Variants in ZNF654 observed in about 807,000 individuals in gnomAD.
The protein encoded by ZNF654 is melanoma-associated antigen.
A neutral mutation model predicts 95.3 loss-of-function variants in ZNF654; 19 were observed. The observed-to-expected ratio is 0.20, with a 90% CI of 0.14 to 0.29. ZNF654 has a LOEUF of 0.29. Ranked by LOEUF, ZNF654 falls within the 10% of genes least tolerant of loss-of-function variation. The pLI is 1.00. For missense variants in ZNF654, 1,046 were observed against 1,341.0 expected (o/e 0.78, Z 3.44); for synonymous variants, 413 against 457.9 (o/e 0.90, Z 1.25).
At chr3:88,122,208 A>C (rs1705810768) in intron 3 of ZNF654, among the ~76,000 whole-genome samples, 1 of 152,214 alleles carries the variant, frequency 6.6e-6, no homozygotes, top group African/African-American at 2.4e-5. Flanking sequence ...TAGGAGAATG[A>C]CATGAGAAAT....
intron 2 of ZNF654, among the ~76,000 whole-genome samples, chr3:88,108,543 A>G (rs1405639369): frequency 1.3e-5 from 2 of 152,156 alleles, no homozygotes; most frequent in African/African-American, 2.4e-5. Context: ...TAAAATTGCA[A>G]GCTATTCTGA....
chr3:88,130,283 C>G (rs551672308), intron 6 of ZNF654, among the ~76,000 whole-genome samples: 1 of 152,100 alleles, frequency 6.6e-6, no homozygotes, highest in African/African-American at 2.4e-5. Flanking sequence ...AAAACTCTTA[C>G]CACTTTGCTG....
chr3:88,123,620 T>G (rs568041994), intron 3 of ZNF654, among the ~76,000 whole-genome samples: 1 of 152,282 alleles, frequency 6.6e-6, no homozygotes, highest in African/African-American at 2.4e-5. Flanking sequence ...GCTCTAAGTG[T>G]TTCTTATTTT....
intron 1 of ZNF654, among the ~76,000 whole-genome samples, chr3:88,075,570 T>G (rs1479577366): frequency 6.6e-6 from 1 of 152,222 alleles, no homozygotes; most frequent in Non-Finnish European, 1.5e-5. Context: ...TTTAGACCTT[T>G]TCTTTGCTCT....
At chr3:88,116,585 TATA>T (rs1705417437) in intron 3 of ZNF654, among the ~76,000 whole-genome samples, 1 of 71,596 alleles carries the variant, frequency 1.4e-5, no homozygotes, top group South Asian at 5.4e-4. Flanking sequence ...CACATGCACA[TATA>T]TTATATATAT....
chr3:88,129,820 G>A lies in ZNF654; in HGVS notation c.887G>A (p.Cys296Tyr), dbSNP rs747962285. ...IPQLQNGDMY[C>Y]IWELIFIWSK... ...CAGCTCCAGAATGGGGATATGTACT[G>A]TATCTGGTAAGTGTTTGTAAATAAA... The change falls in exon 6 of 9, where the codon TGT becomes TAT. Residue 296 changes from cysteine to tyrosine, a missense_variant. By Grantham distance (194) the Cys-to-Tyr change is radical. Coordinates refer to ENST00000636215, the MANE Select transcript of ZNF654 (RefSeq NM_001350134.2). 1.8e-5 allele frequency: 26 copies of A among 1,468,902 alleles called. 1 individual carries two copies. In the South Asian group the frequency reaches 3.4e-4, roughly 19 times the overall value. 91.0% of individuals were successfully genotyped at this position (1,468,902 alleles called of 1,614,324 possible). A position where few individuals can be genotyped will look rare whatever the true frequency, so the allele number is the denominator to read the frequency against.
chr3:88,139,750 C>A lies in ZNF654; in HGVS notation c.2081C>A (p.Thr694Asn). The change falls in exon 8 of 9, where the codon ACT becomes AAT. Residue 694 changes from threonine to asparagine, a missense_variant. Thr to Asn is a moderately conservative substitution (Grantham distance 65). This residue lies in a region of ZNF654 where 495 missense variants were observed against 537.0 expected (regional missense o/e 0.92). Coordinates refer to ENST00000636215, the MANE Select transcript of ZNF654 (RefSeq NM_001350134.2). ...NSLNNVFKPL[T>N]ECGDDYEEEE... Reference sequence around the variant, plus strand: ...TTAAATAATGTTTTCAAGCCTTTAACTGAATGTGGGGATGATTATGAGGAG... The same window carrying A: ...TTAAATAATGTTTTCAAGCCTTTAAATGAATGTGGGGATGATTATGAGGAG... The A allele has an allele frequency of 6.4e-7, 1 of 1,554,738 alleles. No individual in the cohort carries two copies. The highest frequency in any genetic ancestry group is 8.7e-7 in the Non-Finnish European group (1 of 1,148,454).
intron 1 of ZNF654, among the ~76,000 whole-genome samples, chr3:88,072,930 T>G (rs1460541818): frequency 1.3e-5 from 2 of 151,892 alleles, no homozygotes; most frequent in South Asian, 2.1e-4. Flanking sequence ...TTTGGAAAAT[T>G]TTAATGGATG....
At chr3:88,105,112 C>T (rs1434505055) in intron 2 of ZNF654, among the ~76,000 whole-genome samples, 1 of 152,156 alleles carries the variant, frequency 6.6e-6, no homozygotes, top group African/African-American at 2.4e-5. Context: ...GCACTCCAGC[C>T]TGAGCAAGAG....
At chr3:88,067,480 A>T (rs1218468504) in intron 1 of ZNF654, among the ~76,000 whole-genome samples, 2 of 152,226 alleles carry the variant, frequency 1.3e-5, no homozygotes, top group Non-Finnish European at 2.9e-5. Flanking sequence ...AAAGTAGACT[A>T]GGAAAAGGAG....
At chr3:88,141,333 T>G (rs1707117868) in intron 8 of ZNF654, among the ~76,000 whole-genome samples, 1 of 55,768 alleles carries the variant, frequency 1.8e-5, no homozygotes, top group African/African-American at 3.9e-5. Flanking sequence ...TATTCTTTGA[T>G]TATACTTCTT....
chr3:88,084,438 G>A (rs2107655874), intron 1 of ZNF654, among the ~76,000 whole-genome samples: 1 of 152,288 alleles, frequency 6.6e-6, no homozygotes, highest in South Asian at 2.1e-4. Context: ...TAGAGCCAGG[G>A]AACCAGTGTT....
At chr3:88,129,925 G>T (rs1706344701) in intron 6 of ZNF654, 99 bp downstream of exon 6, 3 of 1,126,658 alleles carry the variant, frequency 2.7e-6, no homozygotes, top group Admixed American at 6.6e-5. Context: ...AAAATGTCAA[G>T]CTACTTTTAA....
intron 3 of ZNF654, among the ~76,000 whole-genome samples, chr3:88,124,856 T>C (rs7639420): frequency 0.78 from 118,604 of 151,448 alleles, 47,379 homozygotes; most frequent in South Asian, 0.91. Context: ...TTGAAAATAA[T>C]ACTTTTACTA....
chr3:88,105,409 T>C (rs1212937530), intron 2 of ZNF654, among the ~76,000 whole-genome samples: 3 of 152,232 alleles, frequency 2.0e-5, no homozygotes, highest in African/African-American at 7.2e-5. Flanking sequence ...TGATGTAGCA[T>C]AGTCAGTCAA....
intron 1 of ZNF654, among the ~76,000 whole-genome samples, chr3:88,085,270 A>C (rs765087514): frequency 6.6e-6 from 1 of 152,310 alleles, no homozygotes; most frequent in African/African-American, 2.4e-5. Context: ...TTTGTAAGCC[A>C]TATTCTTTCT....
chr3:88,106,671 T>C (rs966486859), intron 2 of ZNF654, among the ~76,000 whole-genome samples: 1 of 152,184 alleles, frequency 6.6e-6, no homozygotes, highest in Non-Finnish European at 1.5e-5. Context: ...TTGCTTTGCA[T>C]GTGGTGTTAA....
intron 2 of ZNF654, among the ~76,000 whole-genome samples, chr3:88,086,846 C>T (rs1328144768): frequency 6.7e-6 from 1 of 150,176 alleles, no homozygotes; most frequent in Non-Finnish European, 1.5e-5. Context: ...GCAGTGGTGC[C>T]ATCTCGGCTC....
intron 3 of ZNF654, among the ~76,000 whole-genome samples, chr3:88,113,809 A>T (rs1229173096): frequency 1.3e-4 from 9 of 66,942 alleles, no homozygotes; most frequent in African/African-American, 3.3e-4. Flanking sequence ...GAACTGAAAT[A>T]TACAGACAAC....
Sources: allele counts gnomAD v4.1 joint callset (sites outside exome capture counted in the v4.1 genomes callset), GRCh38; gene constraint gnomAD v4.1.1; regional missense constraint gnomAD v4.1.1; transcripts MANE v1.5; gene names NCBI Gene and HGNC (gene_info 2026-07-23, HGNC 2026-07-21).